VSTM4: variants seen among roughly 807,000 people sequenced by gnomAD.
The protein encoded by VSTM4 is V-set and transmembrane domain-containing protein 4.
A neutral mutation model predicts 36.4 loss-of-function variants in VSTM4; 20 were observed. The observed-to-expected ratio is 0.55, with a 90% CI of 0.39 to 0.80. The LOEUF (loss-of-function observed/expected upper bound fraction) is 0.80. Among genes scored for constraint, VSTM4 ranks in the 30% least tolerant of loss-of-function variants. VSTM4 has a pLI of 0.00. For missense variants in VSTM4, 392 were observed against 404.5 expected (o/e 0.97, Z 0.26); for synonymous variants, 182 against 173.9 (o/e 1.05, Z -0.37).
chr10:49,027,183 A>G (rs1339117267), intron 7 of VSTM4, among the ~76,000 whole-genome samples: 2 of 152,166 alleles, frequency 1.3e-5, no homozygotes, highest in African/African-American at 2.4e-5. Flanking sequence ...TCTAATGACC[A>G]TGATCACCAT....
intron 5 of VSTM4, among the ~76,000 whole-genome samples, chr10:49,049,129 G>A (rs759843715): frequency 2.6e-5 from 4 of 152,178 alleles, no homozygotes; most frequent in African/African-American, 7.2e-5. Context: ...TGTGACTGCC[G>A]GAGCTTTCTT....
At chr10:49,056,309 C>T (rs1172717401) in intron 5 of VSTM4, among the ~76,000 whole-genome samples, 2 of 152,192 alleles carry the variant, frequency 1.3e-5, no homozygotes, top group East Asian at 1.9e-4. Flanking sequence ...TTTTTTTACA[C>T]TAGCTGGTGA....
intron 2 of VSTM4, among the ~76,000 whole-genome samples, chr10:49,086,583 T>G (rs1392830316): frequency 6.6e-6 from 1 of 152,208 alleles, no homozygotes; most frequent in East Asian, 1.9e-4. Context: ...AGAATTGAGT[T>G]ACACTGTGTG....
chr10:49,107,223 A>G (rs1052124933), intron 2 of VSTM4, among the ~76,000 whole-genome samples: 27 of 152,358 alleles, frequency 1.8e-4, no homozygotes, highest in African/African-American at 6.3e-4. Context: ...CTCTACTGCA[A>G]TAGCTACTGC....
rs752849758 is a variant in VSTM4, at chr10:49,107,588, C to T, written c.457+6G>A. The T allele has an allele frequency of 6.3e-7, 1 of 1,597,854 alleles. No individual in the cohort carries two copies. The highest frequency in any genetic ancestry group is 1.1e-5 in the South Asian group (1 of 88,874). On this transcript the variant is annotated splice_donor_region_variant and intron_variant, in intron 2 of 7. Coordinates refer to ENST00000332853, the MANE Select transcript of VSTM4 (RefSeq NM_001031746.5). ...CACCTCTACCCAGGGAGACCAAGAC[C>T]CTCACCTCTCATTTCCGTGGCTGAG...
At chr10:49,021,526 C>T (rs530797323) in intron 7 of VSTM4, among the ~76,000 whole-genome samples, 4 of 152,236 alleles carry the variant, frequency 2.6e-5, no homozygotes, top group African/African-American at 7.2e-5. Context: ...AATCAAGTTT[C>T]CACTAGCAAA....
intron 3 of VSTM4, among the ~76,000 whole-genome samples, chr10:49,082,133 C>T (rs991618407): frequency 2.0e-5 from 3 of 152,326 alleles, no homozygotes; most frequent in Non-Finnish European, 2.9e-5. Context: ...AAAGCCCTGC[C>T]GCACTCAGTT....
intron 2 of VSTM4, among the ~76,000 whole-genome samples, chr10:49,100,567 G>T (rs1844648401): frequency 6.6e-6 from 1 of 151,698 alleles, no homozygotes; most frequent in African/African-American, 2.4e-5. Flanking sequence ...AAAAAAAATT[G>T]TACTGAAAGA....
intron 3 of VSTM4, among the ~76,000 whole-genome samples, chr10:49,082,562 C>A (rs1844299019): frequency 6.6e-6 from 1 of 152,106 alleles, no homozygotes; most frequent in Non-Finnish European, 1.5e-5. Flanking sequence ...GTAATCCCAG[C>A]TACTTGGGAG....
At chr10:49,032,389 T>C (rs1434698244) in intron 7 of VSTM4, among the ~76,000 whole-genome samples, 1 of 152,192 alleles carries the variant, frequency 6.6e-6, no homozygotes, top group Non-Finnish European at 1.5e-5. Context: ...GCCGTGTGGA[T>C]AAATGTTGAC....
chr10:49,062,959 T>C (rs1333848526), intron 5 of VSTM4, among the ~76,000 whole-genome samples: 1 of 152,210 alleles, frequency 6.6e-6, no homozygotes, highest in African/African-American at 2.4e-5. Flanking sequence ...TTTGTTTTTT[T>C]CTTTATTGGC....
chr10:49,103,415 TGTTAA>T (rs775503844), intron 2 of VSTM4: 26 of 612,604 alleles, frequency 4.2e-5, no homozygotes, highest in South Asian at 7.1e-5. Flanking sequence ...TGCACTGAAA[TGTTAA>T]GTTGAGTAGA....
chr10:49,104,960 G>A, intron 2 of VSTM4, among the ~76,000 whole-genome samples: 1 of 147,578 alleles, frequency 6.8e-6, no homozygotes, highest in East Asian at 2.1e-4. Flanking sequence ...GAGGGAGAGA[G>A]ACAGAGAGAC....
intron 2 of VSTM4, among the ~76,000 whole-genome samples, chr10:49,106,849 C>A (rs984851567): frequency 6.6e-6 from 1 of 152,238 alleles, no homozygotes; most frequent in Non-Finnish European, 1.5e-5. Context: ...CAAACACTAA[C>A]ATAGTTTCTA....
At chr10:49,082,571 A>G (rs1390222148) in intron 3 of VSTM4, among the ~76,000 whole-genome samples, 1 of 152,172 alleles carries the variant, frequency 6.6e-6, no homozygotes, top group Non-Finnish European at 1.5e-5. Context: ...GCTACTTGGG[A>G]GGCTGAGGCA....
In VSTM4 at chr10:49,067,328, G is replaced by A. The variant is rs913535196; in HGVS notation, c.635-2592C>T. Among the ~76,000 whole-genome samples, 14 of 152,308 alleles carry A rather than the reference G, an allele frequency of 9.2e-5. 1 individual carries two copies. In the Middle Eastern group the frequency reaches 0.014, roughly 148 times the overall value. ...CTTGTCATTACTTTTATCTTACAGC[G>A]GAGGACACTGAAGCACAGAGAGGTT... On this transcript the variant is annotated intron_variant, in intron 4 of 7. Transcript: ENST00000332853.
In VSTM4 at chr10:49,094,135, G is replaced by A. The variant is rs374624636; in HGVS notation, c.458-8112C>T. 3.7e-3 allele frequency among the ~76,000 whole-genome samples: 555 copies of A among 151,602 alleles called. 4 individuals carry two copies. Among genetic ancestry groups the A allele is most frequent in the African/African-American group, 0.013 (522 of 41,456 alleles). On this transcript the variant is annotated intron_variant, in intron 2 of 7. Coordinates refer to ENST00000332853, the MANE Select transcript of VSTM4 (RefSeq NM_001031746.5). ...CAGGACTATGACATTGTTACTTTCC[G>A]GAAAGCTAGGAGAGGGGCCAGGGTC...
At chr10:49,037,766 TCAAA>T (rs925277400) in intron 7 of VSTM4, among the ~76,000 whole-genome samples, 1 of 152,084 alleles carries the variant, frequency 6.6e-6, no homozygotes, top group African/African-American at 2.4e-5. Flanking sequence ...CAACAAAAAA[TCAAA>T]CAATCTCTTT....
chr10:49,089,394 T>C (rs1375043695), intron 2 of VSTM4, among the ~76,000 whole-genome samples: 1 of 152,254 alleles, frequency 6.6e-6, no homozygotes, highest in Non-Finnish European at 1.5e-5. Flanking sequence ...ACACCTTGAA[T>C]GAGCTGCTGC....
Sources: allele counts gnomAD v4.1 joint callset (sites outside exome capture counted in the v4.1 genomes callset), GRCh38; gene constraint gnomAD v4.1.1; transcripts MANE v1.5; gene names NCBI Gene and HGNC (gene_info 2026-07-23, HGNC 2026-07-21).